Variants in EML1 observed in about 807,000 individuals in gnomAD.
EML1 encodes the protein echinoderm microtubule-associated protein-like 1.
In EML1, 27 loss-of-function variants were observed where a neutral mutation model predicts 110.4. The ratio of observed to expected loss-of-function variants is 0.24; its 90% confidence interval spans 0.18 to 0.34. The LOEUF (loss-of-function observed/expected upper bound fraction) is 0.34, where lower values mean the gene tolerates loss of function less well. EML1 is among the 10% of genes least tolerant of loss of function. EML1 has a pLI of 1.00. For missense variants in EML1, 741 were observed against 1,030.9 expected, an observed-to-expected ratio of 0.72 and a Z score of 3.85; for synonymous variants, 344 against 385.8, an observed-to-expected ratio of 0.89 and a Z score of 1.27.
intron 1 of EML1, among the ~76,000 whole-genome samples, chr14:99,747,229 C>A (rs1366752004): frequency 2.6e-5 from 4 of 151,146 alleles, no homozygotes; most frequent in Admixed American, 2.6e-4. Flanking sequence ...AAACAGTCAC[C>A]ACCTCTGGAA....
chr14:99,901,205 A>G (rs1441509436), intron 9 of EML1, among the ~76,000 whole-genome samples, 166 bp downstream of exon 9: 4 of 152,162 alleles, frequency 2.6e-5, no homozygotes, highest in Admixed American at 6.5e-5. Context: ...CAGAGGTCAT[A>G]TGCATGTCTC....
At position 99,892,401 on chromosome 14, in the gene EML1, T is replaced by C. The variant is rs74841698; in HGVS notation, c.547+1174T>C. ...TAAGTGGCTGTAATTTGGATCCCAA[T>C]TGGTATTGGCTGACTGCAGGAATTT... On this transcript the variant is annotated intron_variant, in intron 5 of 21. Coordinates refer to ENST00000262233, the MANE Select transcript of EML1 (RefSeq NM_004434.3). Among the ~76,000 whole-genome samples the C allele has an allele frequency of 6.9e-3, 1,045 of 152,276 alleles. 6 individuals carry two copies. Among genetic ancestry groups the C allele is most frequent in the African/African-American group, 0.023 (975 of 41,548 alleles).
intron 2 of EML1, among the ~76,000 whole-genome samples, chr14:99,855,413 CAGG>C (rs1217878631): frequency 6.6e-6 from 1 of 152,182 alleles, no homozygotes; most frequent in African/African-American, 2.4e-5. Flanking sequence ...TGGCAAATGT[CAGG>C]AGGCCAGGGG....
Position 99,827,587 on chromosome 14 carries a change from C to T in EML1, c.68-23266C>T, listed in dbSNP as rs921070719. Among the ~76,000 whole-genome samples the T allele has an allele frequency of 7.9e-5, 12 of 151,980 alleles. No individual in the cohort carries two copies. The highest frequency in any genetic ancestry group is 2.4e-4 in the African/African-American group (10 of 41,368). On this transcript the variant is annotated intron_variant, in intron 1 of 21. Transcript: ENST00000262233. The surrounding 1 kb of genome is among the most constrained non-coding windows in gnomAD (Gnocchi z 4.4). ...TCTTTAAAGAGGTGATTAAGTTAAA[C>T]GTGGCCGTTAGAGTGGGCCCTACTC...
intron 7 of EML1, 68 bp downstream of exon 7, chr14:99,897,362 A>G: frequency 6.8e-7 from 1 of 1,476,806 alleles, no homozygotes; most frequent in South Asian, 1.4e-5. Context: ...TGAGGCCAGG[A>G]GTTCCAGACC....
chr14:99,817,828 G>T (rs994290457), intron 1 of EML1, among the ~76,000 whole-genome samples: 6 of 152,156 alleles, frequency 3.9e-5, no homozygotes, highest in African/African-American at 1.4e-4. Flanking sequence ...AAACCTTCTC[G>T]TAAGTGCCAT....
chr14:99,858,008 C>T (rs1406557936), intron 2 of EML1, among the ~76,000 whole-genome samples: 1 of 152,136 alleles, frequency 6.6e-6, no homozygotes. Context: ...TTGATAATTT[C>T]GAAACCTTTT....
intron 2 of EML1, among the ~76,000 whole-genome samples, chr14:99,852,798 G>A (rs1382643238): frequency 6.6e-6 from 1 of 152,158 alleles, no homozygotes; most frequent in Non-Finnish European, 1.5e-5. Flanking sequence ...TGTCATCCCA[G>A]ATGTTATCAC....
At chr14:99,740,313 C>G (rs899730992) in intron 1 of EML1, among the ~76,000 whole-genome samples, 4 of 152,206 alleles carry the variant, frequency 2.6e-5, no homozygotes, top group Non-Finnish European at 4.4e-5. Context: ...GCACAGAAGC[C>G]AGGTTAGGCC....
intron 1 of EML1, among the ~76,000 whole-genome samples, chr14:99,823,960 CTCTT>C (rs1323713009): frequency 2.0e-5 from 3 of 152,004 alleles, no homozygotes; most frequent in African/African-American, 7.2e-5. Context: ...TCATCTCTCT[CTCTT>C]TTTTTTAAGA....
At chr14:99,751,506 C>A (rs1480680201) in intron 1 of EML1, among the ~76,000 whole-genome samples, 1 of 152,040 alleles carries the variant, frequency 6.6e-6, no homozygotes, top group African/African-American at 2.4e-5. Context: ...AGGTGTCATG[C>A]AGAAAACGGA....
intron 1 of EML1, among the ~76,000 whole-genome samples, chr14:99,767,285 C>T (rs4905893): frequency 0.96 from 145,566 of 152,340 alleles, 69,671 homozygotes; most frequent in East Asian, 1. Context: ...GACTATTTCT[C>T]TCCAAGCCTC....
intron 1 of EML1, among the ~76,000 whole-genome samples, chr14:99,782,060 C>T (rs1480024758): frequency 6.6e-6 from 1 of 152,200 alleles, no homozygotes; most frequent in Non-Finnish European, 1.5e-5. Context: ...CCCACCCTAT[C>T]GTAGGGCACT....
chr14:99,766,524 G>A (rs1198125724), intron 1 of EML1, among the ~76,000 whole-genome samples: 1 of 152,060 alleles, frequency 6.6e-6, no homozygotes, highest in Non-Finnish European at 1.5e-5. Context: ...GACCTCAGTT[G>A]GTATGTTTCT....
intron 9 of EML1, among the ~76,000 whole-genome samples, chr14:99,904,253 G>A (rs1057361090): frequency 2.0e-5 from 3 of 151,956 alleles, no homozygotes; most frequent in African/African-American, 7.3e-5. Context: ...TTTAACTTTA[G>A]CCAATATGTT....
chr14:99,805,311 C>T (rs1595307528), intron 1 of EML1, among the ~76,000 whole-genome samples: 1 of 152,302 alleles, frequency 6.6e-6, no homozygotes, highest in South Asian at 2.1e-4. Flanking sequence ...TACTTTGAGT[C>T]GTGCCTACTT....
chr14:99,806,340 T>TG, intron 1 of EML1, among the ~76,000 whole-genome samples: 1 of 121,840 alleles, frequency 8.2e-6, no homozygotes, highest in Non-Finnish European at 1.7e-5. Flanking sequence ...TTTTTTTTTT[T>TG]GAGACATTCT....
chr14:99,800,157 T>TC (rs1291207081), intron 1 of EML1, among the ~76,000 whole-genome samples: 3 of 152,168 alleles, frequency 2.0e-5, no homozygotes, highest in Non-Finnish European at 2.9e-5. Context: ...ACCCCCAGCT[T>TC]CATGTTTTTC....
In EML1 at chr14:99,748,127, G is replaced by A. The variant is rs532719499; in HGVS notation, c.28+10267G>A. ...AGGTGTGGCTGCAGCCAGGATTCCC[G>A]GGGCCCTGCAGGGTCTGTCAGGTGA... On this transcript the variant is annotated intron_variant, in intron 1 of 10. Coordinates refer to the EML1 transcript ENST00000554479. 1.2e-4 allele frequency among the ~76,000 whole-genome samples: 19 copies of A among 152,234 alleles called. No homozygotes were observed. The South Asian group carries it at 2.9e-3, about 23-fold the overall frequency.
Sources: gnomAD v4.1 joint callset for allele counts (sites outside exome capture counted in the v4.1 genomes callset) on GRCh38, gnomAD v4.1.1 for gene constraint, Gnocchi (gnomAD v3.1) non-coding constraint, MANE v1.5 for transcripts, NCBI Gene and HGNC (gene_info 2026-07-23, HGNC 2026-07-21) for gene names.